Variants in SPOCK3 observed in about 807,000 individuals in gnomAD.
SPOCK3 encodes testican-3.
A neutral mutation model predicts 56.6 loss-of-function variants in SPOCK3; 30 were observed. The ratio of observed to expected loss-of-function variants is 0.53; its 90% confidence interval spans 0.40 to 0.72. The LOEUF (loss-of-function observed/expected upper bound fraction) is 0.72. Among genes scored for constraint, SPOCK3 ranks in the 30% least tolerant of loss-of-function variants. The probability of loss-of-function intolerance (pLI) is 0.00; values close to 1 mark genes in which losing one functional copy is unlikely to be tolerated. For missense variants in SPOCK3, 527 were observed against 530.0 expected (o/e 0.99, Z 0.06); for synonymous variants, 196 against 183.3 (o/e 1.07, Z -0.56).
chr4:166,926,830 T>C (rs577913150), intron 4 of SPOCK3, among the ~76,000 whole-genome samples: 1 of 152,256 alleles, frequency 6.6e-6, no homozygotes, highest in East Asian at 1.9e-4. Context: ...CCCTCTGAAA[T>C]ACACTTAAAG....
chr4:167,146,698 C>T (rs574475144), intron 2 of SPOCK3, among the ~76,000 whole-genome samples: 6 of 152,120 alleles, frequency 3.9e-5, no homozygotes, highest in Admixed American at 1.3e-4. Flanking sequence ...GAACAACCTG[C>T]ACCTGAATGA....
chr4:167,064,116 A>G (rs1755872616), intron 2 of SPOCK3, among the ~76,000 whole-genome samples: 1 of 151,902 alleles, frequency 6.6e-6, no homozygotes, highest in Non-Finnish European at 1.5e-5. Context: ...TAATTTATTT[A>G]TGAAAATTTT....
At chr4:166,971,403 AGAGGAT>A (rs1554012230) in intron 4 of SPOCK3, among the ~76,000 whole-genome samples, 26 of 152,246 alleles carry the variant, frequency 1.7e-4, no homozygotes, top group Non-Finnish European at 2.6e-4. Context: ...AAAGTCTTTA[AGAGGAT>A]TCGAAGATTA....
intron 2 of SPOCK3, among the ~76,000 whole-genome samples, chr4:167,222,259 A>T (rs771552853): frequency 2.6e-5 from 4 of 151,994 alleles, no homozygotes; most frequent in Non-Finnish European, 5.9e-5. Context: ...TCGTAGAAAC[A>T]AAAAGTAGAA....
chr4:166,749,454 A>C (rs896434614), intron 8 of SPOCK3, among the ~76,000 whole-genome samples: 3 of 151,888 alleles, frequency 2.0e-5, no homozygotes, highest in Non-Finnish European at 2.9e-5. Flanking sequence ...ACTTGGACAC[A>C]GGGTTGGGAA....
intron 6 of SPOCK3, among the ~76,000 whole-genome samples, chr4:166,799,546 G>A (rs1025389164): frequency 2.0e-5 from 3 of 152,136 alleles, no homozygotes; most frequent in East Asian, 1.9e-4. Flanking sequence ...GTGATGTTGC[G>A]AAGGAGTGTA....
rs148516071 is a variant in SPOCK3 at position 166,836,368 on chromosome 4, C to T, written c.590-44079G>A. On this transcript the variant is annotated intron_variant, in intron 6 of 10. Coordinates refer to ENST00000357545, the MANE Select transcript of SPOCK3 (RefSeq NM_001040159.2). ...GAATTATTTTTAAAATAGCATATTA[C>T]TAATATTTTGGTTGCCCATTCTTTT... Among the ~76,000 whole-genome samples, 645 of 152,214 alleles carry T rather than the reference C, an allele frequency of 4.2e-3. 7 individuals are homozygous for T. The highest frequency in any genetic ancestry group is 0.014 in the African/African-American group (592 of 41,536).
chr4:167,060,002 G>A (rs1353345044), intron 3 of SPOCK3, among the ~76,000 whole-genome samples: 16 of 151,450 alleles, frequency 1.1e-4, no homozygotes, highest in Non-Finnish European at 1.9e-4. Flanking sequence ...GGACTGTTGT[G>A]GGGTGGGGGG....
rs1735697824 is a variant in SPOCK3, at chr4:166,898,876, G to A, written c.475-9632C>T. ...AAACATTATTTCTGGGCATGACTAT[G>A]AGGATGTTTCCAGAAGGGATGAGCA... is the stretch of plus-strand genomic sequence containing the variant. On this transcript the variant is annotated intron_variant, in intron 5 of 10. Coordinates refer to ENST00000357545, the MANE Select transcript of SPOCK3 (RefSeq NM_001040159.2). 2.6e-5 allele frequency among the ~76,000 whole-genome samples: 4 copies of A among 152,302 alleles called. No individual in the cohort carries two copies. In the South Asian group the frequency reaches 8.3e-4, roughly 32 times the overall value.
intron 2 of SPOCK3, among the ~76,000 whole-genome samples, chr4:167,176,359 C>T (rs916383734): frequency 1.3e-5 from 2 of 152,110 alleles, no homozygotes; most frequent in South Asian, 2.1e-4. Context: ...GATTAGCACA[C>T]GGAAGCAACC....
intron 2 of SPOCK3, among the ~76,000 whole-genome samples, chr4:167,127,620 G>T (rs1176408844): frequency 6.6e-6 from 1 of 151,970 alleles, no homozygotes; most frequent in Non-Finnish European, 1.5e-5. Context: ...TAGAGACAGG[G>T]TTCCACCGTG....
intron 6 of SPOCK3, among the ~76,000 whole-genome samples, chr4:166,841,094 T>A (rs966930281): frequency 1.3e-5 from 2 of 152,102 alleles, no homozygotes; most frequent in African/African-American, 4.8e-5. Context: ...AGTTTTTTTT[T>A]ACTAATTTTA....
chr4:166,810,580 A>AT (rs2126722812), intron 6 of SPOCK3, among the ~76,000 whole-genome samples: 1 of 152,084 alleles, frequency 6.6e-6, no homozygotes, highest in East Asian at 1.9e-4. Context: ...TTCACAATGC[A>AT]TTTTTTCAGT....
At chr4:167,168,810 C>G (rs1207748186) in intron 2 of SPOCK3, among the ~76,000 whole-genome samples, 2 of 152,094 alleles carry the variant, frequency 1.3e-5, no homozygotes, top group African/African-American at 4.8e-5. Flanking sequence ...ACAGCAGCCC[C>G]TCCCGCCACA....
At chr4:166,911,155 C>A in intron 5 of SPOCK3, among the ~76,000 whole-genome samples, 1 of 152,278 alleles carries the variant, frequency 6.6e-6, no homozygotes, top group Non-Finnish European at 1.5e-5. Context: ...CCTCTCCTAG[C>A]GATAACTCCG....
intron 6 of SPOCK3, among the ~76,000 whole-genome samples, chr4:166,863,624 G>A (rs181437654): frequency 8.0e-4 from 121 of 151,866 alleles, no homozygotes; most frequent in African/African-American, 2.7e-3. Context: ...CAAAAAAAAA[G>A]CAGGGGTTGC....
In SPOCK3 at chr4:167,055,251, C is replaced by T. The variant is rs550144627; in HGVS notation, c.235+7241G>A. ...GTAAATTAAAAACTAAAAATGCTCA[C>T]AAAAAGTCTTTTAAATGATTTTAAG... On this transcript the variant is annotated intron_variant, in intron 3 of 10. Transcript: ENST00000357545. 4.7e-4 allele frequency among the ~76,000 whole-genome samples: 72 copies of T among 152,208 alleles called. 1 individual carries two copies. The South Asian group carries it at 8.1e-3, about 17-fold the overall frequency.
chr4:167,030,462 T>C (rs1345153163), intron 3 of SPOCK3, among the ~76,000 whole-genome samples: 1 of 152,094 alleles, frequency 6.6e-6, no homozygotes, highest in Non-Finnish European at 1.5e-5. Context: ...GATTGACTTC[T>C]TGTTTACCTC....
At chr4:166,818,815 C>G (rs1217301218) in intron 6 of SPOCK3, among the ~76,000 whole-genome samples, 1 of 151,966 alleles carries the variant, frequency 6.6e-6, no homozygotes, top group African/African-American at 2.4e-5. Flanking sequence ...TCTTAAAATG[C>G]TTTTCAATCA....
Sources: allele counts gnomAD v4.1 joint callset (sites outside exome capture counted in the v4.1 genomes callset), GRCh38; gene constraint gnomAD v4.1.1; transcripts MANE v1.5; gene names NCBI Gene and HGNC (gene_info 2026-07-23, HGNC 2026-07-21).